The following TCEA1 variants were observed in gnomAD, a reference collection of about 807,000 sequenced individuals.
The protein encoded by TCEA1 is transcription elongation factor A1.
In TCEA1, 21 loss-of-function variants were observed where a neutral mutation model predicts 43.8. The observed-to-expected ratio is 0.48, with a 90% CI of 0.34 to 0.69. TCEA1 has a LOEUF of 0.69. Among genes scored for constraint, TCEA1 ranks in the 30% least tolerant of loss-of-function variants. The pLI is 0.01. For missense variants in TCEA1, 250 were observed against 365.1 expected (o/e 0.68, Z 2.57); for synonymous variants, 104 against 117.5 (o/e 0.88, Z 0.75).
chr8:54,018,137 T>C (rs190859528), intron 1 of TCEA1, among the ~76,000 whole-genome samples: 14 of 152,352 alleles, frequency 9.2e-5, no homozygotes, highest in African/African-American at 3.4e-4. Context: ...TTTGTTGCAG[T>C]TGTTATTTTA....
intron 4 of TCEA1, among the ~76,000 whole-genome samples, chr8:53,992,589 C>A (rs932111282): frequency 6.6e-5 from 10 of 151,922 alleles, no homozygotes; most frequent in African/African-American, 9.7e-5. Context: ...CCAGAGTGGG[C>A]GGCAGAGCAA....
At chr8:53,995,370 G>T (rs1804022662) in intron 3 of TCEA1, among the ~76,000 whole-genome samples, 1 of 151,296 alleles carries the variant, frequency 6.6e-6, no homozygotes, top group South Asian at 2.1e-4. Flanking sequence ...CAGGCAGGAG[G>T]AACGCTTGAG....
At chr8:53,987,489 AAG>A (rs1735240410) in intron 5 of TCEA1, among the ~76,000 whole-genome samples, 1 of 152,210 alleles carries the variant, frequency 6.6e-6, no homozygotes. Context: ...GAAAAAATAA[AAG>A]AGACAGTCAG....
chr8:53,969,700 G>T (rs976526822), intron 9 of TCEA1, among the ~76,000 whole-genome samples: 1 of 152,158 alleles, frequency 6.6e-6, no homozygotes, highest in Non-Finnish European at 1.5e-5. Flanking sequence ...AAATCAGTTT[G>T]TATGATTCCA....
intron 1 of TCEA1, among the ~76,000 whole-genome samples, chr8:54,017,952 C>A (rs191499117): frequency 6.6e-6 from 1 of 152,056 alleles, no homozygotes; most frequent in Admixed American, 6.6e-5. Context: ...TGACTGCATG[C>A]GGGTAGGGAG....
At chr8:53,987,462 A>G (rs949558891) in intron 5 of TCEA1, among the ~76,000 whole-genome samples, 5 of 152,230 alleles carry the variant, frequency 3.3e-5, no homozygotes. Context: ...AGAGGATAGA[A>G]GGAAATAAAC....
At position 54,000,254 on chromosome 8, in the gene TCEA1, A is replaced by G. The variant is rs552514214; in HGVS notation, c.127-204T>C. ...TAGACTCATTAATGTTCTTATCATCAAGATCTAGAAGCATAAAATTCACTA... is the reference window on the plus strand; with the variant it reads ...TAGACTCATTAATGTTCTTATCATCGAGATCTAGAAGCATAAAATTCACTA... On this transcript the variant is annotated intron_variant, in intron 2 of 9. Coordinates refer to ENST00000521604, the MANE Select transcript of TCEA1 (RefSeq NM_006756.4). Among the ~76,000 whole-genome samples the G allele has an allele frequency of 1.7e-3, 262 of 152,310 alleles. 1 individual carries two copies. Among genetic ancestry groups the G allele is most frequent in the Middle Eastern group, 3.4e-3 (1 of 294 alleles).
Position 53,992,848 on chromosome 8 carries a change from C to T in TCEA1, c.320+820G>A, listed in dbSNP as rs35830129. On this transcript the variant is annotated intron_variant, in intron 4 of 9. Transcript: ENST00000521604. The stretch of plus-strand genomic sequence containing the variant: ...GCAACATGTTCAATACTGCATAGTT[C>T]GTGAGATATAATAGGAAAGAACACA... Among the ~76,000 whole-genome samples, 477 of 152,000 alleles carry T rather than the reference C, an allele frequency of 3.1e-3. 3 individuals carry two copies. The highest frequency in any genetic ancestry group is 0.01 in the African/African-American group (426 of 41,454).
intron 8 of TCEA1, chr8:53,972,466 C>T: frequency 1.9e-6 from 1 of 517,748 alleles, no homozygotes; most frequent in Non-Finnish European, 3.9e-6. Context: ...TGGAGAGAAT[C>T]AGATAAACCT....
Position 54,022,448 on chromosome 8 carries a change from T to A in TCEA1, c.-323A>T. The A allele has an allele frequency of 2.5e-6, 1 of 408,018 alleles. No homozygotes were observed. Among genetic ancestry groups the A allele is most frequent in the South Asian group, 2.8e-5 (1 of 35,418 alleles). 25.3% of individuals were successfully genotyped at this position (408,018 alleles called of 1,614,324 possible). Reference sequence around the variant, plus strand: ...CTAGTGGGCAGGCGTGGCTTCCGGCTAGAGGGTCGTGGAAGGCGCCCGGTT... The same window carrying A: ...CTAGTGGGCAGGCGTGGCTTCCGGCAAGAGGGTCGTGGAAGGCGCCCGGTT... On this transcript the variant is annotated 5_prime_UTR_variant, in exon 1 of 10. Coordinates refer to ENST00000521604, the MANE Select transcript of TCEA1 (RefSeq NM_006756.4).
intron 3 of TCEA1, among the ~76,000 whole-genome samples, chr8:53,998,951 A>G (rs754491522): frequency 7.2e-5 from 11 of 152,278 alleles, no homozygotes; most frequent in South Asian, 2.1e-4. Flanking sequence ...ATGTGAGGCC[A>G]GGCGAGGTGG....
At chr8:53,996,876 C>G in intron 3 of TCEA1, among the ~76,000 whole-genome samples, 1 of 139,406 alleles carries the variant, frequency 7.2e-6, no homozygotes, top group East Asian at 2.6e-4. Flanking sequence ...TAATGGATAA[C>G]TAGCTAAGGG....
chr8:54,017,368 C>G (rs1028153222), intron 1 of TCEA1, among the ~76,000 whole-genome samples: 5 of 152,218 alleles, frequency 3.3e-5, no homozygotes, highest in African/African-American at 1.2e-4. Flanking sequence ...ACCAACTCTT[C>G]CTTTCTCCTC....
At chr8:54,001,953 C>T (rs1804278325) in intron 2 of TCEA1, among the ~76,000 whole-genome samples, 1 of 149,672 alleles carries the variant, frequency 6.7e-6, no homozygotes, top group South Asian at 2.1e-4. Flanking sequence ...ACCAGCCTGG[C>T]CAATATAGTA....
intron 1 of TCEA1, 84 bp downstream of exon 1, chr8:54,021,979 A>G: frequency 8.3e-7 from 1 of 1,198,550 alleles, no homozygotes; most frequent in Non-Finnish European, 1.1e-6. Context: ...GGGGGAGGGG[A>G]GGGAGAAGGA....
chr8:53,995,049 C>T (rs2129306651), intron 3 of TCEA1, among the ~76,000 whole-genome samples: 2 of 152,084 alleles, frequency 1.3e-5, no homozygotes, highest in East Asian at 3.9e-4. Flanking sequence ...ACCTGTAAAC[C>T]CAACACTTTG....
At chr8:54,018,204 T>C (rs1395947237) in intron 1 of TCEA1, among the ~76,000 whole-genome samples, 1 of 152,132 alleles carries the variant, frequency 6.6e-6, no homozygotes, top group African/African-American at 2.4e-5. Flanking sequence ...CCTACGAAAT[T>C]CTAACATCTA....
chr8:54,019,362 G>A (rs1430462875), intron 1 of TCEA1, among the ~76,000 whole-genome samples: 5 of 151,982 alleles, frequency 3.3e-5, no homozygotes, highest in African/African-American at 1.2e-4. Flanking sequence ...CTGAGATCAG[G>A]AGTTCAAGAC....
At chr8:54,007,297 T>G (rs1424459920) in intron 2 of TCEA1, among the ~76,000 whole-genome samples, 1 of 152,168 alleles carries the variant, frequency 6.6e-6, no homozygotes, top group Non-Finnish European at 1.5e-5. Flanking sequence ...TTACAAAATA[T>G]TTTTAAATGT....
Sources: allele counts gnomAD v4.1 joint callset (sites outside exome capture counted in the v4.1 genomes callset), GRCh38; gene constraint gnomAD v4.1.1; transcripts MANE v1.5; gene names NCBI Gene and HGNC (gene_info 2026-07-23, HGNC 2026-07-21).